WWOX: variants seen among roughly 807,000 people sequenced by gnomAD.
WWOX encodes the protein WW domain-containing oxidoreductase.
WWOX carries 69 observed loss-of-function variants against 46.2 expected under a neutral mutation model. The observed-to-expected ratio is 1.49, with a 90% CI of 1.23 to 1.82. The LOEUF (loss-of-function observed/expected upper bound fraction) is 1.82. WWOX is among the 40% of genes most tolerant of loss of function. The probability of loss-of-function intolerance (pLI) is 0.00; values close to 1 mark genes in which losing one functional copy is unlikely to be tolerated. For synonymous variants in WWOX, 359 were observed against 202.6 expected, an observed-to-expected ratio of 1.77 and a Z score of -6.56; for missense variants, 919 against 542.6, an observed-to-expected ratio of 1.69 and a Z score of -6.89.
At chr16:78,812,013 A>G (rs911744261) in intron 8 of WWOX, among the ~76,000 whole-genome samples, 19 of 152,156 alleles carry the variant, frequency 1.2e-4, no homozygotes, top group African/African-American at 3.1e-4. Flanking sequence ...ACACCATCAA[A>G]GCTGTGGTTC....
chr16:78,130,607 C>T (rs568773692), intron 4 of WWOX, among the ~76,000 whole-genome samples: 2 of 152,220 alleles, frequency 1.3e-5, no homozygotes, highest in Non-Finnish European at 2.9e-5. Context: ...AGGCTATTTT[C>T]CATGGTCAGT....
intron 5 of WWOX, among the ~76,000 whole-genome samples, chr16:78,336,545 A>G (rs1325562008): frequency 2.0e-5 from 3 of 150,052 alleles, no homozygotes; most frequent in East Asian, 2.0e-4. Context: ...TGACAGGCAG[A>G]TAACAGAGGG....
intron 5 of WWOX, among the ~76,000 whole-genome samples, chr16:78,365,938 C>T (rs1044308595): frequency 1.3e-5 from 2 of 152,130 alleles, no homozygotes; most frequent in Non-Finnish European, 2.9e-5. Flanking sequence ...TGCATATGAA[C>T]TGGACAGAAG....
At chr16:78,868,676 C>T (rs1051986377) in intron 8 of WWOX, among the ~76,000 whole-genome samples, 1 of 152,132 alleles carries the variant, frequency 6.6e-6, no homozygotes, top group South Asian at 2.1e-4. Context: ...TAGCAAGAGT[C>T]ACTCTGAGAT....
rs139061950 is a variant in WWOX at position 78,548,360 on chromosome 16, T to C, written c.1056+115608T>C. On this transcript the variant is annotated intron_variant, in intron 8 of 8. Transcript: ENST00000566780. ...TCCTAAAGAAAAAAAAAATCCAGAT[T>C]GCTTAGAAAATAAATGTGACTCACG... is the stretch of plus-strand genomic sequence containing the variant. 3.8e-3 allele frequency among the ~76,000 whole-genome samples: 578 copies of C among 152,188 alleles called. 1 individual carries two copies. Among genetic ancestry groups the C allele is most frequent in the African/African-American group, 0.013 (555 of 41,530 alleles).
At chr16:78,353,574 T>C (rs1342112415) in intron 5 of WWOX, among the ~76,000 whole-genome samples, 1 of 152,238 alleles carries the variant, frequency 6.6e-6, no homozygotes, top group Admixed American at 6.5e-5. Context: ...GCTATATTCT[T>C]GGTATTCACC....
At chr16:78,405,254 A>T (rs1555533080) in intron 6 of WWOX, among the ~76,000 whole-genome samples, 1 of 152,160 alleles carries the variant, frequency 6.6e-6, no homozygotes, top group Non-Finnish European at 1.5e-5. Context: ...TCTCCAGGGG[A>T]CACAGCCGGT....
intron 1 of WWOX, among the ~76,000 whole-genome samples, chr16:78,101,900 G>A (rs2031818550): frequency 6.6e-6 from 1 of 152,138 alleles, no homozygotes; most frequent in South Asian, 2.1e-4. Flanking sequence ...GTGTAGGAGC[G>A]TCCCCACGCA....
At chr16:78,303,911 A>T (rs2151868937) in intron 5 of WWOX, among the ~76,000 whole-genome samples, 1 of 152,262 alleles carries the variant, frequency 6.6e-6, no homozygotes, top group Admixed American at 6.5e-5. Context: ...TTCTGGAAAG[A>T]GCCAAGCCGT....
At chr16:78,426,588 T>A (rs1186777433) in intron 7 of WWOX, among the ~76,000 whole-genome samples, 4 of 152,184 alleles carry the variant, frequency 2.6e-5, no homozygotes, top group African/African-American at 7.2e-5. Flanking sequence ...TGAAATGTGT[T>A]GTCAGGCTTG....
chr16:79,118,479 G>A (rs149567865), intron 8 of WWOX, among the ~76,000 whole-genome samples: 6 of 152,264 alleles, frequency 3.9e-5, no homozygotes, highest in African/African-American at 1.2e-4. Flanking sequence ...GACATGAAGT[G>A]AGCAGGTACC....
intron 6 of WWOX, among the ~76,000 whole-genome samples, chr16:78,393,672 A>T (rs1017743979): frequency 3.3e-5 from 5 of 152,144 alleles, no homozygotes; most frequent in African/African-American, 1.2e-4. Flanking sequence ...TTCTTCCTGG[A>T]ATTGATAGGA....
At chr16:79,050,159 G>A (rs929286815) in intron 8 of WWOX, among the ~76,000 whole-genome samples, 7 of 152,168 alleles carry the variant, frequency 4.6e-5, no homozygotes, top group Admixed American at 1.3e-4. Flanking sequence ...TACTTCTCAC[G>A]TGTGTGTGGG....
chr16:78,880,527 TAA>T (rs1272825294), intron 8 of WWOX, among the ~76,000 whole-genome samples: 2 of 152,238 alleles, frequency 1.3e-5, no homozygotes, highest in Non-Finnish European at 2.9e-5. Flanking sequence ...ATTAAGCACA[TAA>T]GATGAACATT....
chr16:78,614,312 G>A (rs756787055), intron 8 of WWOX, among the ~76,000 whole-genome samples: 1 of 152,228 alleles, frequency 6.6e-6, no homozygotes. Flanking sequence ...GAATCAAGTA[G>A]AATAACATGG....
intron 8 of WWOX, among the ~76,000 whole-genome samples, chr16:78,736,738 T>G (rs1460385008): frequency 6.6e-6 from 1 of 152,108 alleles, no homozygotes; most frequent in Non-Finnish European, 1.5e-5. Context: ...GGGAGGGCAC[T>G]ACAGGCGCAT....
chr16:78,693,673 A>G (rs778870831), intron 8 of WWOX, among the ~76,000 whole-genome samples: 2 of 152,134 alleles, frequency 1.3e-5, no homozygotes, highest in African/African-American at 2.4e-5. Context: ...AACTATTGGC[A>G]TCGAGTGGAT....
At chr16:78,142,867 G>T (rs544522993) in intron 4 of WWOX, among the ~76,000 whole-genome samples, 2 of 152,324 alleles carry the variant, frequency 1.3e-5, no homozygotes, top group African/African-American at 4.8e-5. Context: ...AATATTCGAT[G>T]TTAAATTTGA....
intron 5 of WWOX, among the ~76,000 whole-genome samples, chr16:78,245,573 A>G (rs1567454481): frequency 6.6e-6 from 1 of 152,200 alleles, no homozygotes; most frequent in Non-Finnish European, 1.5e-5. Flanking sequence ...ATACGAATGT[A>G]TTCTAGATGG....
Sources: allele counts gnomAD v4.1 joint callset (sites outside exome capture counted in the v4.1 genomes callset), GRCh38; gene constraint gnomAD v4.1.1; transcripts MANE v1.5; gene names NCBI Gene and HGNC (gene_info 2026-07-23, HGNC 2026-07-21).